Variants in RALGAPA2 observed in about 807,000 individuals in gnomAD.
RALGAPA2 encodes Ral GTPase activating protein catalytic subunit alpha 2, also known as ral GTPase-activating protein subunit alpha-2.
RALGAPA2 carries 139 observed loss-of-function variants against 230.4 expected under a neutral mutation model. That is an observed-to-expected ratio of 0.60 (90% CI 0.53 to 0.69). The LOEUF (loss-of-function observed/expected upper bound fraction) is 0.69. Ranked by LOEUF, RALGAPA2 falls within the 30% of genes least tolerant of loss-of-function variation. RALGAPA2 has a pLI of 0.00. For missense variants in RALGAPA2, 2,163 were observed against 2,276.0 expected (o/e 0.95, Z 1.01); for synonymous variants, 847 against 837.8 (o/e 1.01, Z -0.19).
rs576720717 is a variant in RALGAPA2 at position 20,460,736 on chromosome 20, AG to A, written c.5495+12092del. ...ATTGGTCTACATAACAAACCCACTG[AG>A]GAAACTGGCGGTTCAGCTCGTGCAC... On this transcript the variant is annotated intron_variant, in intron 37 of 39. Transcript: ENST00000202677. 4.5e-4 allele frequency among the ~76,000 whole-genome samples: 69 copies of A among 152,348 alleles called. 3 individuals carry two copies. In the South Asian group the frequency reaches 0.014, roughly 31 times the overall value.
intron 3 of RALGAPA2, among the ~76,000 whole-genome samples, chr20:20,667,361 TC>T (rs1474269390): frequency 1.3e-5 from 2 of 152,162 alleles, no homozygotes; most frequent in African/African-American, 4.8e-5. Flanking sequence ...TTCCACTACA[TC>T]CCTGGATTCA....
At chr20:20,531,007 A>T (rs953355182) in intron 27 of RALGAPA2, among the ~76,000 whole-genome samples, 1 of 152,168 alleles carries the variant, frequency 6.6e-6, no homozygotes, top group Non-Finnish European at 1.5e-5. Context: ...GCCTAACAGC[A>T]CCTGTGAAAG....
At chr20:20,524,191 T>C (rs559349431) in intron 30 of RALGAPA2, among the ~76,000 whole-genome samples, 90 of 152,260 alleles carry the variant, frequency 5.9e-4, no homozygotes, top group Non-Finnish European at 1.2e-3. Context: ...CTCCTGACCT[T>C]GTGATCTGCC....
chr20:20,658,704 T>C (rs555811886), intron 3 of RALGAPA2, among the ~76,000 whole-genome samples: 1 of 152,350 alleles, frequency 6.6e-6, no homozygotes, highest in South Asian at 2.1e-4. Context: ...TGATTATCCA[T>C]AGTTCTTTTT....
intron 1 of RALGAPA2, among the ~76,000 whole-genome samples, chr20:20,684,754 T>C (rs564800355): frequency 1.3e-5 from 2 of 152,354 alleles, no homozygotes; most frequent in Admixed American, 1.3e-4. Flanking sequence ...TGCCTCGTTG[T>C]CTGGCTGCTA....
intron 4 of RALGAPA2, among the ~76,000 whole-genome samples, chr20:20,647,215 T>C (rs1019318407): frequency 3.9e-5 from 6 of 152,204 alleles, no homozygotes; most frequent in Non-Finnish European, 7.3e-5. Context: ...TTTAACATTA[T>C]AAAATCTTTT....
At chr20:20,599,180 T>C (rs1191436797) in intron 16 of RALGAPA2, among the ~76,000 whole-genome samples, 1 of 152,198 alleles carries the variant, frequency 6.6e-6, no homozygotes, top group Non-Finnish European at 1.5e-5. Flanking sequence ...AAAAAGACCA[T>C]GGTGAGAGAG....
chr20:20,690,908 A>T (rs2068879519), intron 1 of RALGAPA2, among the ~76,000 whole-genome samples: 1 of 152,014 alleles, frequency 6.6e-6, no homozygotes, highest in East Asian at 1.9e-4. Flanking sequence ...ACATCCCAAG[A>T]CACTCTCCCG....
At chr20:20,578,568 C>T (rs1057047936) in intron 20 of RALGAPA2, among the ~76,000 whole-genome samples, 2 of 152,058 alleles carry the variant, frequency 1.3e-5, no homozygotes, top group African/African-American at 4.8e-5. Flanking sequence ...AGGATTTCAG[C>T]CACAAAATAA....
rs192458167 is a variant in RALGAPA2 at position 20,436,386 on chromosome 20, T to A, written c.5496-24238A>T. Among the ~76,000 whole-genome samples the A allele has an allele frequency of 1.9e-3, 289 of 152,352 alleles. 1 individual carries two copies. The highest frequency in any genetic ancestry group is 6.7e-3 in the African/African-American group (279 of 41,590). Reference sequence around the variant, plus strand: ...CTATTTAAATACCATCCCTACCAGATAAAACAATTTAATAGGGTAGATCTT... The same window carrying A: ...CTATTTAAATACCATCCCTACCAGAAAAAACAATTTAATAGGGTAGATCTT... On this transcript the variant is annotated intron_variant, in intron 37 of 39. Transcript: ENST00000202677.
chr20:20,642,168 G>T (rs1258535328), intron 5 of RALGAPA2, among the ~76,000 whole-genome samples: 2 of 134,274 alleles, frequency 1.5e-5, no homozygotes, highest in African/African-American at 5.6e-5. Context: ...GGAGGGGAGG[G>T]GAGGGGAGGG....
intron 7 of RALGAPA2, 68 bp from the exon 8 acceptor site, chr20:20,637,569 G>T: frequency 7.6e-7 from 1 of 1,309,042 alleles, no homozygotes; most frequent in Non-Finnish European, 1.0e-6. Context: ...CTAAACTGAA[G>T]TGTTGTTATG....
chr20:20,414,355 C>T (rs1407457837), intron 37 of RALGAPA2, among the ~76,000 whole-genome samples: 1 of 152,244 alleles, frequency 6.6e-6, no homozygotes, highest in East Asian at 1.9e-4. Context: ...CTGCGTCCAA[C>T]ACATCCACAT....
chr20:20,639,822 A>G lies in RALGAPA2; in HGVS notation c.629T>C (p.Phe210Ser). The G allele has an allele frequency of 6.2e-7, 1 of 1,613,488 alleles. No individual in the cohort carries two copies. The highest frequency in any genetic ancestry group is 8.5e-7 in the Non-Finnish European group (1 of 1,179,440). The change falls in exon 7 of 40, where the codon TTT becomes TCT. Residue 210 changes from phenylalanine to serine, a missense_variant. Physicochemically the swap from Phe to Ser is radical, Grantham distance 155. Coordinates refer to ENST00000202677, the MANE Select transcript of RALGAPA2 (RefSeq NM_020343.4). ...ATACTTCAACAGTATTTGAAGAAAA[A>G]AGCAGGTTTGGTCCTCAGCAATCTT... is the stretch of plus-strand genomic sequence containing the variant. The part of the protein sequence containing the change: ...GEKIAEDQTC[F>S]FLQILLKYMV...
In RALGAPA2 at chr20:20,691,431, C is replaced by T. The variant is rs193153013; in HGVS notation, c.107-10630G>A. On this transcript the variant is annotated intron_variant, in intron 1 of 39. Transcript: ENST00000202677. ...TCAATTGAAAGTATTTATCAGAGCACAGGCCATGTACGGGATACAAAGGAT... is the reference window on the plus strand; with the variant it reads ...TCAATTGAAAGTATTTATCAGAGCATAGGCCATGTACGGGATACAAAGGAT... Among the ~76,000 whole-genome samples, 704 of 152,292 alleles carry T rather than the reference C, an allele frequency of 4.6e-3. 2 individuals carry two copies. Among genetic ancestry groups the T allele is most frequent in the Admixed American group, 7.9e-3 (121 of 15,302 alleles).
intron 37 of RALGAPA2, among the ~76,000 whole-genome samples, chr20:20,459,376 A>G (rs888210104): frequency 2.0e-5 from 3 of 151,966 alleles, no homozygotes; most frequent in Non-Finnish European, 4.4e-5. Flanking sequence ...ATACTTTAAA[A>G]TAAATCAGTA....
intron 1 of RALGAPA2, among the ~76,000 whole-genome samples, chr20:20,705,300 G>C (rs1032652021): frequency 4.6e-5 from 7 of 151,998 alleles, no homozygotes; most frequent in African/African-American, 1.7e-4. Context: ...TTGACCTTCT[G>C]GGCCCAAGTG....
At chr20:20,467,771 T>C (rs1376321426) in intron 37 of RALGAPA2, among the ~76,000 whole-genome samples, 1 of 152,218 alleles carries the variant, frequency 6.6e-6, no homozygotes. Context: ...ATTTTAACTA[T>C]GAACGCATCA....
intron 1 of RALGAPA2, among the ~76,000 whole-genome samples, chr20:20,690,554 G>C (rs1180743105): frequency 6.6e-6 from 1 of 151,976 alleles, no homozygotes; most frequent in East Asian, 1.9e-4. Flanking sequence ...TCTCACCCTA[G>C]CTTCCTCACC....
Sources: allele counts gnomAD v4.1 joint callset (sites outside exome capture counted in the v4.1 genomes callset), GRCh38; gene constraint gnomAD v4.1.1; transcripts MANE v1.5; gene names NCBI Gene and HGNC (gene_info 2026-07-23, HGNC 2026-07-21).